Variants in ASPM observed in about 807,000 individuals in gnomAD.
The protein encoded by ASPM is assembly factor for spindle microtubules.
In ASPM, 256 loss-of-function variants were observed where a neutral mutation model predicts 366.4. The observed-to-expected ratio is 0.70, with a 90% CI of 0.63 to 0.77. The LOEUF is 0.77. ASPM is among the 30% of genes least tolerant of loss of function. The pLI, the probability that ASPM is intolerant of heterozygous loss-of-function variation, is 0.00. For synonymous variants in ASPM, 1,414 were observed against 1,342.9 expected, an observed-to-expected ratio of 1.05 and a Z score of -1.16; for missense variants, 4,146 against 4,090.4, an observed-to-expected ratio of 1.01 and a Z score of -0.37.
intron 27 of ASPM, among the ~76,000 whole-genome samples, chr1:197,085,413 AGTATCAAACCG>A (rs1253136009): frequency 6.6e-6 from 1 of 152,168 alleles, no homozygotes; most frequent in Non-Finnish European, 1.5e-5. Context: ...TTGAGAAAAT[AGTATCAAACCG>A]AGGGAGTTCA....
rs1395622663 is a variant in ASPM at position 197,109,718 on chromosome 1, CAT to C, written c.4066-4535_4066-4534del. Among the ~76,000 whole-genome samples, 3 of 151,962 alleles carry C rather than the reference CAT, an allele frequency of 2.0e-5. No individual in the cohort carries two copies. The East Asian group carries it at 5.8e-4, about 29-fold the overall frequency. On this transcript the variant is annotated intron_variant, in intron 17 of 27. Transcript: ENST00000367409. The stretch of plus-strand genomic sequence containing the variant: ...TCAAAGAATCTAAAACAAAAACAAA[CAT>C]AAAAACTTCATAGAAATAAGTGAGT...
intron 17 of ASPM, among the ~76,000 whole-genome samples, chr1:197,117,004 C>T (rs1657754518): frequency 6.6e-6 from 1 of 151,844 alleles, no homozygotes; most frequent in Non-Finnish European, 1.5e-5. Flanking sequence ...TTTACATTGG[C>T]ATTTATTTTG....
rs1334947797 is a variant in ASPM, at chr1:197,102,254, C to A, written c.6997G>T (p.Glu2333Ter). Residue 2333 changes from glutamate (E) to a stop codon, truncating the protein, a stop_gained, in exon 18 of 28, where the codon GAG becomes TAG. Coordinates refer to ENST00000367409, the MANE Select transcript of ASPM (RefSeq NM_018136.5). LOFTEE classifies it high-confidence loss of function. ...ATGAAAGTAGCAGCCCTGTGCATCTCTCGCATCCTTTTCCTTATCATCCAT... is the reference window on the plus strand; with the variant it reads ...ATGAAAGTAGCAGCCCTGTGCATCTATCGCATCCTTTTCCTTATCATCCAT... ...RRWMIRKRMR[E>*]MHRAATFIQS... The A allele has an allele frequency of 6.2e-7, 1 of 1,612,672 alleles. No homozygotes were observed. Among genetic ancestry groups the A allele is most frequent in the African/African-American group, 1.3e-5 (1 of 74,764 alleles).
chr1:197,123,992 T>A, intron 13 of ASPM, 118 bp downstream of exon 13: 1 of 838,702 alleles, frequency 1.2e-6, no homozygotes, highest in Non-Finnish European at 1.9e-6. Flanking sequence ...TGAGGGAAAG[T>A]TTGCTTACAC....
chr1:197,101,818 T>G lies in ASPM; in HGVS notation c.7433A>C (p.Gln2478Pro). Residue 2478 changes from glutamine to proline, a missense_variant, in exon 18 of 28, where the codon CAA (glutamine) becomes CCA (proline). Physicochemically the swap from Gln to Pro is moderately conservative, Grantham distance 76. Around this residue, in one of 3 missense-constraint regions of ASPM, gnomAD observed 3,624 missense variants for 3,591.7 expected, o/e 1.01. Transcript: ENST00000367409. ...GAGAACTGCAGCCCTTTGCATTTCT[T>G]GTAACTTCTTCTTTACCATCAGTCT... ...YRRLMVKKKL[Q>P]EMQRAAVLIQ... 1 of 1,612,876 alleles carries G rather than the reference T, an allele frequency of 6.2e-7. No individual in the cohort carries two copies. Among genetic ancestry groups the G allele is most frequent in the Non-Finnish European group, 8.5e-7 (1 of 1,179,318 alleles).
Position 197,105,066 on chromosome 1 carries a change from C to A in ASPM, c.4185G>T (p.Trp1395Cys). Residue 1395 changes from tryptophan to cysteine, a missense_variant, in exon 18 of 28, where the codon TGG (tryptophan) becomes TGT (cysteine). This residue lies in a region of ASPM where 3,624 missense variants were observed against 3,591.7 expected (regional missense o/e 1.01). Coordinates refer to ENST00000367409, the MANE Select transcript of ASPM (RefSeq NM_018136.5). ...IAVTSYKRYL[W>C]ATVTIQRHWR... ...AATGCCTCTGAATTGTAACTGTAGC[C>A]CAAAGATATCGTTTATAAGATGTAA... is the stretch of plus-strand genomic sequence containing the variant. The A allele has an allele frequency of 6.2e-7, 1 of 1,609,678 alleles. No individual in the cohort carries two copies. The highest frequency in any genetic ancestry group is 8.5e-7 in the Non-Finnish European group (1 of 1,177,316).
Position 197,101,106 on chromosome 1 carries a change from A to C in ASPM, c.8145T>G (p.Ile2715Met). The stretch of plus-strand genomic sequence containing the variant: ...ACCTATAATAATTCTGTATAACCAC[A>C]ATTGCAGTTTTCTTTGTTTCATAAT... ...KVDYETKKTA[I>M]VVIQNYYRLY... The change falls in exon 18 of 28, where the codon ATT becomes ATG. Residue 2715 changes from isoleucine to methionine, a missense_variant. Physicochemically the swap from Ile to Met is conservative, Grantham distance 10. This residue lies in a region of ASPM where 3,624 missense variants were observed against 3,591.7 expected (regional missense o/e 1.01). Coordinates refer to ENST00000367409, the MANE Select transcript of ASPM (RefSeq NM_018136.5). 6.2e-7 allele frequency: 1 copy of C among 1,612,014 alleles called. No homozygotes were observed. Among genetic ancestry groups the C allele is most frequent in the Non-Finnish European group, 8.5e-7 (1 of 1,178,904 alleles).
intron 5 of ASPM, 42 bp downstream of exon 5, chr1:197,135,054 G>A: frequency 7.3e-7 from 1 of 1,367,442 alleles, no homozygotes; most frequent in Non-Finnish European, 1.0e-6. Flanking sequence ...ATCTTTATCT[G>A]TTAAAAGTAT....
At chr1:197,111,093 C>T (rs998947070) in intron 17 of ASPM, among the ~76,000 whole-genome samples, 1 of 151,964 alleles carries the variant, frequency 6.6e-6, no homozygotes, top group African/African-American at 2.4e-5. Flanking sequence ...CAAATGGGAC[C>T]TAATTAAACT....
intron 17 of ASPM, among the ~76,000 whole-genome samples, chr1:197,106,042 T>C (rs1306942619): frequency 2.6e-5 from 4 of 152,006 alleles, no homozygotes; most frequent in Non-Finnish European, 5.9e-5. Context: ...TCTTACTTTT[T>C]CTCGCATATA....
In ASPM at chr1:197,143,443, G is replaced by T; in HGVS notation, c.809C>A (p.Ser270Tyr). The stretch of plus-strand genomic sequence containing the variant: ...TTCAGTTACAGCTTTCTCATTAAAA[G>T]AAACTTTTGAAACGTTGGCACTGTG... The part of the protein sequence containing the change: ...NVHSANVSKV[S>Y]FNEKAVTETS... Residue 270 changes from serine to tyrosine, a missense_variant, in exon 3 of 28, where the codon TCT becomes TAT. Physicochemically the swap from Ser to Tyr is moderately radical, Grantham distance 144. Around this residue, in one of 3 missense-constraint regions of ASPM, gnomAD observed 512 missense variants for 471.7 expected, o/e 1.09. Coordinates refer to ENST00000367409, the MANE Select transcript of ASPM (RefSeq NM_018136.5). 1.2e-6 allele frequency: 2 copies of T among 1,613,994 alleles called. No individual in the cohort carries two copies. Among genetic ancestry groups the T allele is most frequent in the African/African-American group, 1.3e-5 (1 of 75,042 alleles).
At chr1:197,109,763 T>C (rs926112803) in intron 17 of ASPM, among the ~76,000 whole-genome samples, 5 of 152,010 alleles carry the variant, frequency 3.3e-5, no homozygotes, top group African/African-American at 4.8e-5. Context: ...ACAGGATTAA[T>C]AGTTAACCCT....
rs1055876594 is a variant in ASPM at position 197,138,983 on chromosome 1, C to G, written c.2026+784G>C. The stretch of plus-strand genomic sequence containing the variant: ...GCTGCATAAATCTGTTTCAACTCTT[C>G]TTCTCTCTGACATTGATCATAGCAC... On this transcript the variant is annotated intron_variant, in intron 4 of 27. Coordinates refer to ENST00000367409, the MANE Select transcript of ASPM (RefSeq NM_018136.5). 14 of 723,644 alleles carry G rather than the reference C, an allele frequency of 1.9e-5. No individual in the cohort carries two copies. The Admixed American group carries it at 2.5e-4, about 13-fold the overall frequency. The allele number at this position is 723,644 out of a possible 1,614,324, so 44.8% of individuals were successfully genotyped here.
intron 17 of ASPM, among the ~76,000 whole-genome samples, chr1:197,114,088 C>T (rs536144082): frequency 1.3e-3 from 204 of 152,172 alleles, no homozygotes; most frequent in Non-Finnish European, 2.6e-3. Context: ...CAGACCACCA[C>T]AATAAAGCAA....
In ASPM at chr1:197,142,784, G is replaced by T. The variant is rs779965746; in HGVS notation, c.1468C>A (p.Arg490Ser). 6.2e-7 allele frequency: 1 copy of T among 1,613,240 alleles called. No individual in the cohort carries two copies. The highest frequency in any genetic ancestry group is 8.5e-7 in the Non-Finnish European group (1 of 1,179,352). Reference protein sequence around the residue: ...SHSHNKQPKRRPILSATVTKR... With the variant: ...SHSHNKQPKRSPILSATVTKR... ...GTAACAGTGGCAGAAAGTATTGGAC[G>T]TCTCTTAGGTTGTTTATTGTGGCTA... Residue 490 changes from arginine to serine, a missense_variant, in exon 3 of 28, where the codon CGT becomes AGT. This residue lies in a region of ASPM where 3,624 missense variants were observed against 3,591.7 expected (regional missense o/e 1.01). Coordinates refer to ENST00000367409, the MANE Select transcript of ASPM (RefSeq NM_018136.5).
chr1:197,102,859 T>C lies in ASPM; in HGVS notation c.6392A>G (p.Gln2131Arg). Residue 2131 changes from glutamine (Q) to arginine (R), a missense_variant, in exon 18 of 28, where the codon CAG becomes CGG. By Grantham distance (43) the Gln-to-Arg change is conservative. Around this residue, in one of 3 missense-constraint regions of ASPM, gnomAD observed 3,624 missense variants for 3,591.7 expected, o/e 1.01. Coordinates refer to ENST00000367409, the MANE Select transcript of ASPM (RefSeq NM_018136.5). ...CATTGTATGGTAACTTATTCTTGACTGATGCATTTTAAACATGGCTTTAAT... is the reference window on the plus strand; with the variant it reads ...CATTGTATGGTAACTTATTCTTGACCGATGCATTTTAAACATGGCTTTAAT... ...TFIKAMFKMH[Q>R]SRISYHTMRK... The C allele has an allele frequency of 6.2e-7, 1 of 1,612,560 alleles. No individual in the cohort carries two copies. The highest frequency in any genetic ancestry group is 8.5e-7 in the Non-Finnish European group (1 of 1,179,232).
Position 197,088,319 on chromosome 1 carries a change from T to A in ASPM, c.10098A>T (p.Gly3366=). ...AACAACAAGTTTTTGTAAAAATGCT[T>A]CCGCCTTTGTCTGCAACTTTATTAC... ...KPGNKVADKG[G]SIFTKTCCLL... The change falls in exon 26 of 28, where the codon GGA becomes GGT. Residue 3366 remains glycine, a synonymous_variant. Transcript: ENST00000367409. 1 of 1,613,562 alleles carries A rather than the reference T, an allele frequency of 6.2e-7. No homozygotes were observed.
At chr1:197,088,568 A>C in intron 25 of ASPM, 136 bp from the exon 26 acceptor site, 1 of 660,154 alleles carries the variant, frequency 1.5e-6, no homozygotes, top group Non-Finnish European at 2.6e-6. Flanking sequence ...AGTGCAAAGG[A>C]CTTTGTGAAA....
At chr1:197,120,822 C>T (rs964153623) in intron 16 of ASPM, among the ~76,000 whole-genome samples, 9 of 152,020 alleles carry the variant, frequency 5.9e-5, no homozygotes, top group African/African-American at 2.2e-4. Context: ...CACTATAGGG[C>T]ACACAGCATA....
Sources: allele counts gnomAD v4.1 joint callset (sites outside exome capture counted in the v4.1 genomes callset), GRCh38; gene constraint gnomAD v4.1.1; regional missense constraint gnomAD v4.1.1; transcripts MANE v1.5; gene names NCBI Gene and HGNC (gene_info 2026-07-23, HGNC 2026-07-21).